Variants in BRIP1 observed in about 807,000 individuals in gnomAD.
BRIP1 encodes the protein Fanconi anemia group J protein.
Under a neutral mutation model 119.7 loss-of-function variants are expected in BRIP1, and 88 were observed. The ratio of observed to expected loss-of-function variants is 0.74; its 90% CI spans 0.62 to 0.88. The LOEUF (loss-of-function observed/expected upper bound fraction) is 0.88. Among genes scored for constraint, BRIP1 ranks in the 40% least tolerant of loss-of-function variants. BRIP1 has a pLI of 0.00. For synonymous variants in BRIP1, 443 were observed against 496.5 expected, an observed-to-expected ratio of 0.89 and a Z score of 1.43; for missense variants, 1,259 against 1,455.4, an observed-to-expected ratio of 0.87 and a Z score of 2.20.
intron 17 of BRIP1, among the ~76,000 whole-genome samples, chr17:61,712,840 G>A (rs551892505): frequency 1.3e-5 from 2 of 151,678 alleles, no homozygotes; most frequent in South Asian, 4.2e-4. Flanking sequence ...GGAGGCAGAG[G>A]TTGCAGTGAG....
chr17:61,686,700 T>A lies in BRIP1; in HGVS notation c.2576-535A>T, dbSNP rs2061370024. On this transcript the variant is annotated intron_variant, in intron 18 of 19. Coordinates refer to ENST00000259008, the MANE Select transcript of BRIP1 (RefSeq NM_032043.3). The surrounding 1 kb of genome is among the most constrained non-coding windows in gnomAD (Gnocchi z 5.4). ...TAAATAACACTGTCTTATGGGTAAATCACATCCCTTCTGAATTTTTATGAT... is the reference window on the plus strand; with the variant it reads ...TAAATAACACTGTCTTATGGGTAAAACACATCCCTTCTGAATTTTTATGAT... Among the ~76,000 whole-genome samples the A allele has an allele frequency of 6.6e-6, 1 of 152,046 alleles. No individual in the cohort carries two copies. The highest frequency in any genetic ancestry group is 6.6e-5 in the Admixed American group (1 of 15,264).
chr17:61,683,189 G>T lies in BRIP1; in HGVS notation c.*107C>A. ...CATTTACATTTCTGAACATAAAATA[G>T]TTTTTTAAAAAGTATGCCACTTATT... is the stretch of plus-strand genomic sequence containing the variant. On this transcript the variant is annotated 3_prime_UTR_variant, in exon 20 of 20. Coordinates refer to ENST00000259008, the MANE Select transcript of BRIP1 (RefSeq NM_032043.3). The surrounding 1 kb of genome is among the most constrained non-coding windows in gnomAD (Gnocchi z 4.7). 1.5e-6 allele frequency: 2 copies of T among 1,314,408 alleles called. No homozygotes were observed. Among genetic ancestry groups the T allele is most frequent in the Non-Finnish European group, 2.1e-6 (2 of 944,488 alleles). The allele number at this position is 1,314,408 out of a possible 1,614,324, so 81.4% of individuals were successfully genotyped here.
Position 61,838,498 on chromosome 17 carries a change from C to T in BRIP1, c.627+8603G>A, listed in dbSNP as rs185268370. ...GAGGCGGAACTTGCAGTGAGCCGATCGCGCCACTGCACTCCAGCCTGGGCG... is the reference window on the plus strand; with the variant it reads ...GAGGCGGAACTTGCAGTGAGCCGATTGCGCCACTGCACTCCAGCCTGGGCG... On this transcript the variant is annotated intron_variant, in intron 6 of 19. Transcript: ENST00000259008. Among the ~76,000 whole-genome samples, 1,161 of 151,542 alleles carry T rather than the reference C, an allele frequency of 7.7e-3. 10 individuals carry two copies. Among genetic ancestry groups the T allele is most frequent in the African/African-American group, 0.025 (1,053 of 41,358 alleles).
rs2077211796 is a variant in BRIP1, at chr17:61,757,185, T to C, written c.2098-12594A>G. The stretch of plus-strand genomic sequence containing the variant: ...AGTAGTGTTTTTTAAATAACTTTTT[T>C]AGTTACAGTAAAAATGAATGTCCTT... On this transcript the variant is annotated intron_variant, in intron 14 of 19. Transcript: ENST00000259008. This position sits in a 1 kb window ranked among gnomAD's most constrained non-coding sequence, Gnocchi z 4.3. Among the ~76,000 whole-genome samples the C allele has an allele frequency of 6.6e-6, 1 of 152,220 alleles. No individual in the cohort carries two copies. The highest frequency in any genetic ancestry group is 1.5e-5 in the Non-Finnish European group (1 of 68,046).
chr17:61,832,219 A>G lies in BRIP1; in HGVS notation c.627+14882T>C, dbSNP rs1395500592. Among the ~76,000 whole-genome samples the G allele has an allele frequency of 6.6e-6, 1 of 152,226 alleles. No individual in the cohort carries two copies. The highest frequency in any genetic ancestry group is 1.5e-5 in the Non-Finnish European group (1 of 68,026). ...AGGAAGCGTTCCAAGAATGATTGAT[A>G]TATGTCAGAAAGACACAAGCAACTT... On this transcript the variant is annotated intron_variant, in intron 6 of 19. Coordinates refer to ENST00000259008, the MANE Select transcript of BRIP1 (RefSeq NM_032043.3). This position sits in a 1 kb window ranked among gnomAD's most constrained non-coding sequence, Gnocchi z 5.5.
chr17:61,850,986 G>C (rs535871745), intron 4 of BRIP1, among the ~76,000 whole-genome samples: 14 of 152,260 alleles, frequency 9.2e-5, no homozygotes, highest in Non-Finnish European at 1.6e-4. Context: ...CCAGCACTTT[G>C]GGAGGCCGAG....
chr17:61,780,234 C>A lies in BRIP1; in HGVS notation c.1935+27G>T. The A allele has an allele frequency of 6.3e-7, 1 of 1,596,650 alleles. No homozygotes were observed. On this transcript the variant is annotated intron_variant, in intron 13 of 19. Transcript: ENST00000259008. The surrounding 1 kb of genome is among the most constrained non-coding windows in gnomAD (Gnocchi z 5.4). ...ATATTGAAGTAGAAACACTGAAGGC[C>A]TTCCAAAAAAAAAAACAACAACTAA...
chr17:61,697,336 C>CAAAAAAAAAA (rs55963888), intron 17 of BRIP1, among the ~76,000 whole-genome samples: 5 of 59,142 alleles, frequency 8.5e-5, no homozygotes, highest in Non-Finnish European at 1.2e-4. Context: ...GACTCTGTCT[C>CAAAAAAAAAA]AAAAAAAAAA....
Position 61,780,362 on chromosome 17 carries a change from A to G in BRIP1, c.1834T>C (p.Leu612=), listed in dbSNP as rs2145079912. ...ATTGGTGATAATGTACCAGATGTCA[A>G]AACAATGGTCTGAACTTTGCCATTA... is the stretch of plus-strand genomic sequence containing the variant. ...DINGKVQTIV[L]TSGTLSPMKS... is the part of the protein sequence containing the mutation. Residue 612 remains leucine, a synonymous_variant, in exon 13 of 20, where the codon TTG becomes CTG. Transcript: ENST00000259008. The surrounding 1 kb of genome is among the most constrained non-coding windows in gnomAD (Gnocchi z 5.4). 6.2e-7 allele frequency: 1 copy of G among 1,611,014 alleles called. No homozygotes were observed. The highest frequency in any genetic ancestry group is 2.2e-5 in the East Asian group (1 of 44,836).
rs876658543 is a variant in BRIP1 at position 61,683,779 on chromosome 17, A to G, written c.3267T>C (p.Ser1089=). ...IDATLTRKNH[S]EHPLCSEEAL... ...CTTCTTCAGAACAGAGCGGATGTTC[A>G]GAATGATTTTTTCTAGTAAGGGTGG... is the stretch of plus-strand genomic sequence containing the variant. Residue 1089 remains serine (S), a synonymous_variant, in exon 20 of 20, where the codon TCT becomes TCC. Transcript: ENST00000259008. The surrounding 1 kb of genome is among the most constrained non-coding windows in gnomAD (Gnocchi z 4.7). 1 of 1,614,220 alleles carries G rather than the reference A, an allele frequency of 6.2e-7. No individual in the cohort carries two copies. The highest frequency in any genetic ancestry group is 8.5e-7 in the Non-Finnish European group (1 of 1,180,038).
intron 14 of BRIP1, among the ~76,000 whole-genome samples, chr17:61,763,135 G>A (rs558011050): frequency 6.6e-6 from 1 of 152,058 alleles, no homozygotes; most frequent in Non-Finnish European, 1.5e-5. Context: ...ACTACTCTAA[G>A]TACCTCATAT....
chr17:61,813,288 C>T (rs942119224), intron 6 of BRIP1, among the ~76,000 whole-genome samples: 10 of 152,034 alleles, frequency 6.6e-5, no homozygotes, highest in Non-Finnish European at 1.2e-4. Context: ...TTGTGTTCTT[C>T]CATAACTTTC....
intron 14 of BRIP1, among the ~76,000 whole-genome samples, chr17:61,766,206 G>A (rs2077371000): frequency 6.6e-6 from 1 of 152,296 alleles, no homozygotes; most frequent in South Asian, 2.1e-4. Flanking sequence ...CTAATTAAAT[G>A]TATGACCTTA....
At position 61,794,288 on chromosome 17, in the gene BRIP1, G is replaced by A. The variant is rs1406365924; in HGVS notation, c.1341-559C>T. ...CTCATGGAAATTACATTCTACTAAA[G>A]GGAGACAGGAATAAACATCAAAACA... On this transcript the variant is annotated intron_variant, in intron 9 of 19. Coordinates refer to ENST00000259008, the MANE Select transcript of BRIP1 (RefSeq NM_032043.3). This position sits in a 1 kb window ranked among gnomAD's most constrained non-coding sequence, Gnocchi z 4.3. Among the ~76,000 whole-genome samples the A allele has an allele frequency of 6.6e-6, 1 of 151,994 alleles. No individual in the cohort carries two copies. The highest frequency in any genetic ancestry group is 1.5e-5 in the Non-Finnish European group (1 of 67,972).
At chr17:61,854,608 G>A (rs2078867902) in intron 4 of BRIP1, among the ~76,000 whole-genome samples, 1 of 150,438 alleles carries the variant, frequency 6.6e-6, no homozygotes, top group Non-Finnish European at 1.5e-5. Flanking sequence ...TTGGGAGGCT[G>A]AGGCAGGAGA....
chr17:61,787,018 T>A (rs2077728660), intron 10 of BRIP1, among the ~76,000 whole-genome samples: 2 of 117,442 alleles, frequency 1.7e-5, no homozygotes, highest in East Asian at 2.4e-4. Context: ...AAAATTATAA[T>A]TTTATTTATA....
At position 61,754,969 on chromosome 17, in the gene BRIP1, G is replaced by C. The variant is rs374965370; in HGVS notation, c.2098-10378C>G. On this transcript the variant is annotated intron_variant, in intron 14 of 19. Transcript: ENST00000259008. This position sits in a 1 kb window ranked among gnomAD's most constrained non-coding sequence, Gnocchi z 4.1. ...GGGCTTCAACATAAAAAATTTGGTG[G>C]TATACAAACATTCAGTCCATAATAT... 6.6e-6 allele frequency among the ~76,000 whole-genome samples: 1 copy of C among 152,090 alleles called. No homozygotes were observed. Among genetic ancestry groups the C allele is most frequent in the Non-Finnish European group, 1.5e-5 (1 of 68,012 alleles).
intron 6 of BRIP1, among the ~76,000 whole-genome samples, chr17:61,826,413 A>C (rs2078408184): frequency 6.6e-6 from 1 of 152,208 alleles, no homozygotes; most frequent in Non-Finnish European, 1.5e-5. Context: ...ATAAAATTAA[A>C]GAGTTAATGC....
rs954981381 is a variant in BRIP1 at position 61,736,701 on chromosome 17, C to T, written c.2379+6312G>A. Reference sequence around the variant, plus strand: ...AACCCCATTCAATCATTAACTAAAACATTTATTAAACACTGTGTTTTTAGG... The same window carrying T: ...AACCCCATTCAATCATTAACTAAAATATTTATTAAACACTGTGTTTTTAGG... On this transcript the variant is annotated intron_variant, in intron 16 of 19. Coordinates refer to ENST00000259008, the MANE Select transcript of BRIP1 (RefSeq NM_032043.3). This position sits in a 1 kb window ranked among gnomAD's most constrained non-coding sequence, Gnocchi z 4.4. 6.6e-6 allele frequency among the ~76,000 whole-genome samples: 1 copy of T among 152,178 alleles called. No individual in the cohort carries two copies. Among genetic ancestry groups the T allele is most frequent in the East Asian group, 1.9e-4 (1 of 5,196 alleles).
Sources: allele counts gnomAD v4.1 joint callset (sites outside exome capture counted in the v4.1 genomes callset), GRCh38; gene constraint gnomAD v4.1.1; non-coding constraint Gnocchi (gnomAD v3.1); transcripts MANE v1.5; gene names NCBI Gene and HGNC (gene_info 2026-07-23, HGNC 2026-07-21).